The following CMPK1 variants were observed in gnomAD, a reference collection of about 807,000 sequenced individuals.
CMPK1 encodes cytidine/uridine monophosphate kinase 1.
Under a neutral mutation model 25.7 loss-of-function variants are expected in CMPK1, and 10 were observed. The ratio of observed to expected loss-of-function variants is 0.39; its 90% CI spans 0.24 to 0.66. The LOEUF is 0.66. Among genes scored for constraint, CMPK1 ranks in the 30% least tolerant of loss-of-function variants. The pLI, the probability that CMPK1 is intolerant of heterozygous loss-of-function variation, is 0.48. For synonymous variants in CMPK1, 106 were observed against 101.5 expected (o/e 1.04, Z -0.27); for missense variants, 199 against 280.5 (o/e 0.71, Z 2.08).
chr1:47,364,929 A>G (rs1046139546), intron 1 of CMPK1, among the ~76,000 whole-genome samples: 2 of 151,816 alleles, frequency 1.3e-5, no homozygotes, highest in Non-Finnish European at 2.9e-5. Context: ...TGCCCAGCAA[A>G]TGTTTTTATT....
chr1:47,343,672 G>C (rs781225849), intron 1 of CMPK1, among the ~76,000 whole-genome samples: 5 of 152,092 alleles, frequency 3.3e-5, no homozygotes, highest in Non-Finnish European at 5.9e-5. Flanking sequence ...CCAGCACTTT[G>C]GGAAGCCAGG....
At chr1:47,342,940 G>A (rs1402460097) in intron 1 of CMPK1, among the ~76,000 whole-genome samples, 1 of 150,724 alleles carries the variant, frequency 6.6e-6, no homozygotes, top group African/African-American at 2.4e-5. Flanking sequence ...AAGCCACTGC[G>A]CCCGGCAATT....
chr1:47,372,371 A>G (rs1646683003), intron 2 of CMPK1, among the ~76,000 whole-genome samples: 1 of 152,224 alleles, frequency 6.6e-6, no homozygotes, highest in African/African-American at 2.4e-5. Context: ...CTTCCGTTAA[A>G]AAGTATTTTA....
At chr1:47,345,309 AG>A (rs1430811436) in intron 1 of CMPK1, among the ~76,000 whole-genome samples, 2 of 151,882 alleles carry the variant, frequency 1.3e-5, no homozygotes, top group Non-Finnish European at 2.9e-5. Context: ...TGATGCCCTT[AG>A]TGTCTCAGTT....
chr1:47,349,556 C>T (rs1485779404), intron 1 of CMPK1, among the ~76,000 whole-genome samples: 25 of 152,130 alleles, frequency 1.6e-4, no homozygotes, highest in Non-Finnish European at 1.5e-5. Flanking sequence ...CTGTAGCGTA[C>T]GAGTTGGAGC....
intron 1 of CMPK1, among the ~76,000 whole-genome samples, chr1:47,342,510 C>A (rs1311604932): frequency 6.6e-6 from 1 of 152,022 alleles, no homozygotes; most frequent in Admixed American, 6.6e-5. Flanking sequence ...AAGTTGACAC[C>A]AAAAATTAAC....
chr1:47,355,192 A>G (rs909872963), intron 1 of CMPK1, among the ~76,000 whole-genome samples: 1 of 151,910 alleles, frequency 6.6e-6, no homozygotes, highest in African/African-American at 2.4e-5. Flanking sequence ...GATTACAGAC[A>G]CACACTGTCA....
chr1:47,356,806 G>A (rs1048692635), intron 1 of CMPK1, among the ~76,000 whole-genome samples: 13 of 151,968 alleles, frequency 8.6e-5, no homozygotes, highest in African/African-American at 3.1e-4. Context: ...GATCTGAGAT[G>A]TGTGCCACCA....
chr1:47,352,558 G>C (rs2622925), intron 1 of CMPK1, among the ~76,000 whole-genome samples: 63,477 of 151,742 alleles, frequency 0.42, 15,368 homozygotes, highest in South Asian at 0.54. Flanking sequence ...TTACTTCTTT[G>C]ACCAGTTCAA....
At chr1:47,359,390 T>TC (rs1406122778) in intron 1 of CMPK1, among the ~76,000 whole-genome samples, 16 of 126,590 alleles carry the variant, frequency 1.3e-4, no homozygotes, top group South Asian at 4.4e-4. Flanking sequence ...TTTTTTCTTT[T>TC]TTTTTTTTTT....
rs10713246 is a variant in CMPK1 at position 47,374,783 on chromosome 1, GA to G, written c.472-124del. ...AAAAGGACTTTGCATGTTGATTAAT[GA>G]ATTAGACACATTGGGTTTATTGCAG... On this transcript the variant is annotated intron_variant, in intron 3 of 5. Transcript: ENST00000371873. 3.3e-3 allele frequency: 2,018 copies of G among 612,932 alleles called. 28 individuals are homozygous for G. The African/African-American group carries it at 0.033, about 10-fold the overall frequency. 38.0% of individuals were successfully genotyped at this position (612,932 alleles called of 1,614,324 possible). A position where few individuals can be genotyped will look rare whatever the true frequency, so the allele number is the denominator to read the frequency against.
intron 1 of CMPK1, among the ~76,000 whole-genome samples, chr1:47,361,964 A>T (rs537701006): frequency 1.4e-5 from 2 of 141,670 alleles, no homozygotes; most frequent in Non-Finnish European, 3.0e-5. Flanking sequence ...TCCGCCTCCC[A>T]GGTTCAAGCA....
intron 4 of CMPK1, 26 bp from the exon 5 acceptor site, chr1:47,375,171 C>T (rs768774978): frequency 1.3e-5 from 20 of 1,530,650 alleles, no homozygotes; most frequent in Non-Finnish European, 1.8e-5. Flanking sequence ...ATACCTAGAA[C>T]CTTGCAATAT....
At chr1:47,359,178 A>G (rs140914799) in intron 1 of CMPK1, among the ~76,000 whole-genome samples, 3,791 of 151,694 alleles carry the variant, frequency 0.025, 186 homozygotes, top group African/African-American at 0.088. Context: ...TTAGCCTGGC[A>G]TGTTGGCGGG....
chr1:47,333,923 A>T lies in CMPK1; in HGVS notation c.-23A>T. ...CGCGCCGGCCGCTGTCAGCTCCCTC[A>T]GCGTCCGGCCGAGGCGCGGTGTATG... On this transcript the variant is annotated 5_prime_UTR_variant, in exon 1 of 6. Coordinates refer to ENST00000371873, the MANE Select transcript of CMPK1 (RefSeq NM_016308.3). 1 of 1,299,410 alleles carries T rather than the reference A, an allele frequency of 7.7e-7. No homozygotes were observed. The highest frequency in any genetic ancestry group is 9.9e-7 in the Non-Finnish European group (1 of 1,007,840). 80.5% of individuals were successfully genotyped at this position (1,299,410 alleles called of 1,614,324 possible). A position where few individuals can be genotyped will look rare whatever the true frequency, so the allele number is the denominator to read the frequency against.
chr1:47,333,907 C>G lies in CMPK1; in HGVS notation c.-39C>G. The G allele has an allele frequency of 8.1e-7, 1 of 1,239,980 alleles. No homozygotes were observed. The highest frequency in any genetic ancestry group is 1.0e-6 in the Non-Finnish European group (1 of 980,916). The allele number at this position is 1,239,980 out of a possible 1,614,324, so 76.8% of individuals were successfully genotyped here. A position where few individuals can be genotyped will look rare whatever the true frequency, so the allele number is the denominator to read the frequency against. On this transcript the variant is annotated 5_prime_UTR_variant, in exon 1 of 6. Transcript: ENST00000371873. ...CCGCCCCGCCCCGCGCCGCGCCGGC[C>G]GCTGTCAGCTCCCTCAGCGTCCGGC...
At chr1:47,358,220 C>T (rs1268418727) in intron 1 of CMPK1, 1 of 446,898 alleles carries the variant, frequency 2.2e-6, no homozygotes, top group Non-Finnish European at 4.5e-6. Flanking sequence ...TCAAGCTACC[C>T]ACTTGGCTGA....
chr1:47,357,480 TTC>T (rs1646569639), intron 1 of CMPK1, among the ~76,000 whole-genome samples: 1 of 37,878 alleles, frequency 2.6e-5, no homozygotes, highest in African/African-American at 6.7e-5. Flanking sequence ...CATTAATGGA[TTC>T]TTTTTTTTTT....
At chr1:47,336,352 C>T (rs1646398925) in intron 1 of CMPK1, among the ~76,000 whole-genome samples, 1 of 152,114 alleles carries the variant, frequency 6.6e-6, no homozygotes, top group African/African-American at 2.4e-5. Flanking sequence ...AAAGGGAAAA[C>T]ATAGAAATGG....
Sources: gnomAD v4.1 joint callset for allele counts (sites outside exome capture counted in the v4.1 genomes callset) on GRCh38, gnomAD v4.1.1 for gene constraint, MANE v1.5 for transcripts, NCBI Gene and HGNC (gene_info 2026-07-23, HGNC 2026-07-21) for gene names.